Variants in HAUS1 observed in about 807,000 individuals in gnomAD.
HAUS1 encodes the protein HAUS augmin-like complex subunit 1.
HAUS1 carries 25 observed loss-of-function variants against 38.6 expected under a neutral mutation model. The observed-to-expected ratio is 0.65, with a 90% CI of 0.47 to 0.91. The LOEUF (loss-of-function observed/expected upper bound fraction) is 0.91, where lower values mean the gene tolerates loss of function less well. Among genes scored for constraint, HAUS1 ranks in the 40% least tolerant of loss-of-function variants. The probability of loss-of-function intolerance (pLI) is 0.00; values close to 1 mark genes in which losing one functional copy is unlikely to be tolerated. For synonymous variants in HAUS1, 109 were observed against 112.9 expected, an observed-to-expected ratio of 0.97 and a Z score of 0.22; for missense variants, 325 against 328.4, an observed-to-expected ratio of 0.99 and a Z score of 0.08.
intron 6 of HAUS1, 32 bp from the exon 7 acceptor site, chr18:46,124,790 A>G (rs760890644): frequency 7.7e-7 from 1 of 1,301,426 alleles, no homozygotes; most frequent in Non-Finnish European, 1.1e-6. Context: ...GAATGTTTCT[A>G]TTACTCTGTG....
Position 46,116,857 on chromosome 18 carries a change from T to TA in HAUS1, c.206-1323dup, listed in dbSNP as rs1020430829. Among the ~76,000 whole-genome samples, 42 of 151,806 alleles carry TA rather than the reference T, an allele frequency of 2.8e-4. No homozygotes were observed. In the Middle Eastern group the frequency reaches 0.01, roughly 37 times the overall value. ...GCAAAACACCATCTCCACAAAAAAA[T>TA]ACAAAAATTAGCCAGGTATAGTGGT... is the stretch of plus-strand genomic sequence containing the variant. On this transcript the variant is annotated intron_variant, in intron 2 of 8. Coordinates refer to ENST00000282058, the MANE Select transcript of HAUS1 (RefSeq NM_138443.4).
intron 4 of HAUS1, among the ~76,000 whole-genome samples, chr18:46,120,423 G>T (rs989064643): frequency 6.6e-6 from 1 of 151,146 alleles, no homozygotes; most frequent in African/African-American, 2.4e-5. Flanking sequence ...TAGTAGAGAC[G>T]GGGTTTCTCC....
intron 2 of HAUS1, among the ~76,000 whole-genome samples, chr18:46,113,033 A>G (rs796307299): frequency 0.01 from 606 of 57,766 alleles, 10 homozygotes; most frequent in Non-Finnish European, 0.016. Context: ...TATTATATAT[A>G]TAATATATAT....
chr18:46,113,975 CCTCT>C (rs1911740189), intron 2 of HAUS1, among the ~76,000 whole-genome samples: 1 of 152,172 alleles, frequency 6.6e-6, no homozygotes, highest in Admixed American at 6.6e-5. Flanking sequence ...AAGCTGACTT[CCTCT>C]CTTTCACTGA....
rs776652139 is a variant in HAUS1 at position 46,114,659 on chromosome 18, TG to T, written c.206-3520del. ...CTTGGACGCAGTAGCAGATAGCTAG[TG>T]GCAGGATGAAAAACACTAAAGTCTT... On this transcript the variant is annotated intron_variant, in intron 2 of 8. Transcript: ENST00000282058. 1.3e-3 allele frequency among the ~76,000 whole-genome samples: 199 copies of T among 152,212 alleles called. 1 individual carries two copies. The highest frequency in any genetic ancestry group is 2.4e-3 in the Non-Finnish European group (166 of 67,996).
chr18:46,121,074 G>A (rs1454793106), intron 4 of HAUS1, among the ~76,000 whole-genome samples: 3 of 152,172 alleles, frequency 2.0e-5, no homozygotes, highest in East Asian at 1.9e-4. Context: ...TAGATCAGGA[G>A]TATGTGTATA....
At chr18:46,115,852 C>T (rs1279603619) in intron 2 of HAUS1, among the ~76,000 whole-genome samples, 2 of 152,100 alleles carry the variant, frequency 1.3e-5, no homozygotes, top group African/African-American at 4.8e-5. Flanking sequence ...CATTGTGGCT[C>T]ACACCTATAA....
intron 2 of HAUS1, among the ~76,000 whole-genome samples, chr18:46,107,018 C>CAA (rs138527062): frequency 2.0e-5 from 3 of 149,884 alleles, no homozygotes; most frequent in Non-Finnish European, 4.4e-5. Context: ...CTCTCAACAA[C>CAA]AAAAAAAAAT....
Position 46,124,900 on chromosome 18 carries a change from A to G in HAUS1, c.738+7A>G. ...CTATTTAGACTTAATGCCGGTAATA[A>G]TTTTCGCGAATTAAAAAACAATTAT... On this transcript the variant is annotated splice_region_variant and intron_variant, in intron 7 of 8. Transcript: ENST00000282058. 6.8e-7 allele frequency: 1 copy of G among 1,479,856 alleles called. No individual in the cohort carries two copies. Among genetic ancestry groups the G allele is most frequent in the Non-Finnish European group, 9.4e-7 (1 of 1,059,812 alleles). The allele number at this position is 1,479,856 out of a possible 1,614,324, so 91.7% of individuals were successfully genotyped here. A position where few individuals can be genotyped will look rare whatever the true frequency, so the allele number is the denominator to read the frequency against.
intron 7 of HAUS1, 151 bp downstream of exon 7, chr18:46,125,044 G>A (rs544946562): frequency 1.9e-6 from 1 of 520,856 alleles, no homozygotes; most frequent in Non-Finnish European, 3.4e-6. Context: ...CTGATCACCT[G>A]AGGTCAGGAG....
At position 46,124,907 on chromosome 18, in the gene HAUS1, C is replaced by T. The variant is rs372294955; in HGVS notation, c.738+14C>T. On this transcript the variant is annotated intron_variant, in intron 7 of 8. Transcript: ENST00000282058. ...GACTTAATGCCGGTAATAATTTTCG[C>T]GAATTAAAAAACAATTATTTCCTCC... is the stretch of plus-strand genomic sequence containing the variant. 1.3e-4 allele frequency: 185 copies of T among 1,442,548 alleles called. No homozygotes were observed. The African/African-American group carries it at 1.4e-3, about 11-fold the overall frequency. The allele number at this position is 1,442,548 out of a possible 1,614,324, so 89.4% of individuals were successfully genotyped here.
At chr18:46,120,422 C>T (rs955970028) in intron 4 of HAUS1, among the ~76,000 whole-genome samples, 5 of 151,006 alleles carry the variant, frequency 3.3e-5, no homozygotes, top group Non-Finnish European at 7.4e-5. Flanking sequence ...TTAGTAGAGA[C>T]GGGGTTTCTC....
intron 2 of HAUS1, chr18:46,109,588 A>G (rs1426297672): frequency 3.3e-5 from 5 of 151,294 alleles, no homozygotes; most frequent in Non-Finnish European, 7.4e-5. Context: ...AAGTATGTGT[A>G]TTCTCTTGTT....
intron 2 of HAUS1, among the ~76,000 whole-genome samples, chr18:46,111,010 G>C (rs1911618649): frequency 1.3e-5 from 2 of 151,412 alleles, no homozygotes; most frequent in African/African-American, 4.9e-5. Flanking sequence ...CTGGGTAGCT[G>C]GGACTACAGG....
At chr18:46,123,820 G>A (rs991497659) in intron 6 of HAUS1, among the ~76,000 whole-genome samples, 27 of 152,212 alleles carry the variant, frequency 1.8e-4, no homozygotes, top group Admixed American at 1.4e-3. Context: ...TATTCTTAAC[G>A]TTTTTCATAC....
intron 7 of HAUS1, among the ~76,000 whole-genome samples, 181 bp from the exon 8 acceptor site, chr18:46,125,558 AAAAAG>A (rs2144266750): frequency 6.6e-6 from 1 of 151,878 alleles, no homozygotes; most frequent in Admixed American, 6.6e-5. Context: ...AAAAAAAAAA[AAAAAG>A]AAAGAAAATA....
intron 2 of HAUS1, among the ~76,000 whole-genome samples, chr18:46,114,771 C>T (rs1166247592): frequency 6.6e-6 from 1 of 152,092 alleles, no homozygotes; most frequent in African/African-American, 2.4e-5. Context: ...AGTGGAGTCT[C>T]CACCTCAGTG....
chr18:46,122,651 C>T, intron 5 of HAUS1, 61 bp downstream of exon 5: 1 of 1,573,332 alleles, frequency 6.4e-7, no homozygotes, highest in Non-Finnish European at 8.7e-7. Flanking sequence ...CCATCATCCT[C>T]ACAGCTAGGC....
chr18:46,123,250 C>A, intron 5 of HAUS1, 49 bp from the exon 6 acceptor site: 2 of 1,192,982 alleles, frequency 1.7e-6, no homozygotes, highest in Non-Finnish European at 2.5e-6. Flanking sequence ...TGATGGTGGT[C>A]ACTTTTCAAA....
Sources: allele counts gnomAD v4.1 joint callset (sites outside exome capture counted in the v4.1 genomes callset), GRCh38; gene constraint gnomAD v4.1.1; transcripts MANE v1.5; gene names NCBI Gene and HGNC (gene_info 2026-07-23, HGNC 2026-07-21).